ESR2: variants seen among roughly 807,000 people sequenced by gnomAD.
ESR2 encodes the protein estrogen receptor beta.
In ESR2, 36 loss-of-function variants were observed where a neutral mutation model predicts 49.6. The ratio of observed to expected loss-of-function variants is 0.73; its 90% CI spans 0.56 to 0.96. The LOEUF is 0.96. ESR2 is among the 40% of genes least tolerant of loss of function. The pLI, the probability that ESR2 is intolerant of heterozygous loss-of-function variation, is 0.00. For synonymous variants in ESR2, 320 were observed against 266.1 expected, an observed-to-expected ratio of 1.20 and a Z score of -1.97; for missense variants, 714 against 693.0, an observed-to-expected ratio of 1.03 and a Z score of -0.34.
intron 1 of ESR2, among the ~76,000 whole-genome samples, chr14:64,318,776 T>C (rs767662589): frequency 6.6e-6 from 1 of 151,550 alleles, no homozygotes; most frequent in Non-Finnish European, 1.5e-5. Flanking sequence ...GGTGTTGTGG[T>C]TCATGCCTGT....
chr14:64,239,184 G>A (rs1052772638), intron 7 of ESR2, among the ~76,000 whole-genome samples: 2 of 152,178 alleles, frequency 1.3e-5, no homozygotes, highest in African/African-American at 4.8e-5. Flanking sequence ...GAGGGCAGAT[G>A]GGACTCAAAA....
rs76529465 is a variant in ESR2 at position 64,283,792 on chromosome 14, G to GAAAAAA, written c.-90-723_-90-718dup. On this transcript the variant is annotated intron_variant, in intron 1 of 8. Coordinates refer to ENST00000341099, the MANE Select transcript of ESR2 (RefSeq NM_001437.3). Reference sequence around the variant, plus strand: ...AAAAAAGAGAGAAATTACCATTTCCGAAAAAAGTTTTTAAAAGAAAGAAAA... The same window carrying GAAAAAA: ...AAAAAAGAGAGAAATTACCATTTCCGAAAAAAAAAAAAGTTTTTAAAAGAAAGAAAA... Among the ~76,000 whole-genome samples the GAAAAAA allele has an allele frequency of 1.2e-4, 17 of 139,730 alleles. No homozygotes were observed. In the East Asian group the frequency reaches 2.1e-3, roughly 17 times the overall value. The allele number at this position is 139,730 out of a possible 152,430, so 91.7% of individuals were successfully genotyped here.
chr14:64,282,970 A>G lies in ESR2; in HGVS notation c.16T>C (p.Ser6Pro). ...GAAGGAGAATTAAGGCTAGATGGTG[A>G]GTTTTTTATATCCATGTCTTGAGAT... MDIKNSPSSLNSPSSY... is the reference protein window; with the variant it reads MDIKNPPSSLNSPSSY... Residue 6 changes from serine to proline, a missense_variant, in exon 2 of 9, where the codon TCA becomes CCA. Transcript: ENST00000341099. The G allele has an allele frequency of 1.2e-6, 2 of 1,612,474 alleles. No homozygotes were observed. Among genetic ancestry groups the G allele is most frequent in the South Asian group, 1.1e-5 (1 of 90,912 alleles).
chr14:64,228,198 C>T (rs960994475), downstream of ESR2, among the ~76,000 whole-genome samples: 1 of 152,168 alleles, frequency 6.6e-6, no homozygotes, highest in Non-Finnish European at 1.5e-5. Context: ...AAGACTAGCC[C>T]TGGTTTTCAT....
At chr14:64,234,113 A>G (rs1303782114) in intron 8 of ESR2, 1 of 152,236 alleles carries the variant, frequency 6.6e-6, no homozygotes, top group Non-Finnish European at 1.5e-5. Context: ...AATTTTAGCA[A>G]GCAGATAAAT....
chr14:64,307,573 C>T (rs1270443247), intron 1 of ESR2, among the ~76,000 whole-genome samples: 2 of 151,856 alleles, frequency 1.3e-5, no homozygotes, highest in South Asian at 2.1e-4. Context: ...CTCATTCTGT[C>T]GCCCAGGCTG....
intron 6 of ESR2, among the ~76,000 whole-genome samples, chr14:64,254,094 T>C (rs1032603505): frequency 1.3e-5 from 2 of 152,116 alleles, no homozygotes; most frequent in Non-Finnish European, 1.5e-5. Context: ...GTTTTCTTGT[T>C]GTGGACACCT....
At chr14:64,303,577 AG>A (rs1480520040) in intron 1 of ESR2, 5 of 152,150 alleles carry the variant, frequency 3.3e-5, no homozygotes, top group Non-Finnish European at 7.3e-5. Context: ...AATTCTAACA[AG>A]GATCACCTGC....
At chr14:64,258,126 C>T (rs188107890) in intron 5 of ESR2, among the ~76,000 whole-genome samples, 10 of 152,158 alleles carry the variant, frequency 6.6e-5, no homozygotes, top group Middle Eastern at 3.4e-3. Flanking sequence ...GGATGATCGC[C>T]TGAGCCCAGG....
rs144763931 is a variant in ESR2 at position 64,323,656 on chromosome 14, A to G, written c.-91+14242T>C. Among the ~76,000 whole-genome samples, 11 of 152,278 alleles carry G rather than the reference A, an allele frequency of 7.2e-5. No individual in the cohort carries two copies. In the South Asian group the frequency reaches 1.7e-3, roughly 23 times the overall value. On this transcript the variant is annotated intron_variant, in intron 1 of 8. Coordinates refer to the ESR2 transcript ENST00000358599. ...GATGATATATTTATCTTTAAACTCT[A>G]TATGGTCTACTGTTGACCTTACTTC...
chr14:64,316,671 T>C (rs1439774761), intron 1 of ESR2, among the ~76,000 whole-genome samples: 1 of 151,842 alleles, frequency 6.6e-6, no homozygotes, highest in Non-Finnish European at 1.5e-5. Flanking sequence ...TAGTCAGGCA[T>C]GGTGGCACGC....
intron 1 of ESR2, among the ~76,000 whole-genome samples, chr14:64,316,130 T>G (rs902174350): frequency 2.6e-5 from 4 of 151,706 alleles, no homozygotes; most frequent in African/African-American, 9.7e-5. Flanking sequence ...CCACCTCAGC[T>G]TCTCGAGTAG....
intron 3 of ESR2, among the ~76,000 whole-genome samples, chr14:64,277,662 G>T (rs2076583090): frequency 1.3e-5 from 2 of 149,892 alleles, no homozygotes; most frequent in East Asian, 2.0e-4. Flanking sequence ...TACATGCAAG[G>T]AATTTCTCAA....
chr14:64,309,266 G>T (rs1319040775), intron 1 of ESR2, among the ~76,000 whole-genome samples: 1 of 152,112 alleles, frequency 6.6e-6, no homozygotes, highest in Non-Finnish European at 1.5e-5. Flanking sequence ...TGTTACATAG[G>T]CCAAGCACAC....
intron 5 of ESR2, chr14:64,260,025 C>T: frequency 2.4e-6 from 1 of 420,978 alleles, no homozygotes; most frequent in South Asian, 1.7e-5. Context: ...GGTAGGTTCC[C>T]TGGGTCCATC....
At chr14:64,325,471 A>G (rs985841315) in intron 1 of ESR2, among the ~76,000 whole-genome samples, 4 of 152,204 alleles carry the variant, frequency 2.6e-5, no homozygotes, top group Admixed American at 6.5e-5. Context: ...GCACAGGAGA[A>G]AAAGGTTTAG....
chr14:64,233,351 CCCT>C (rs2098729156), intron 8 of ESR2, 28 bp from the exon 9 acceptor site: 2 of 1,594,650 alleles, frequency 1.3e-6, no homozygotes, highest in African/African-American at 1.3e-5. Context: ...TGCTGAGATT[CCCT>C]CCTCCGAGGC....
intron 4 of ESR2, among the ~76,000 whole-genome samples, chr14:64,267,416 T>C (rs2076354431): frequency 6.6e-6 from 1 of 152,126 alleles, no homozygotes; most frequent in Non-Finnish European, 1.5e-5. Flanking sequence ...CAGGATGTTC[T>C]ACAGAGGAAA....
chr14:64,332,954 GC>G (rs2077481294), intron 1 of ESR2, among the ~76,000 whole-genome samples: 1 of 145,786 alleles, frequency 6.9e-6, no homozygotes, highest in East Asian at 2.1e-4. Context: ...TCAGCTCACT[GC>G]AAGCTCTGCC....
Sources: gnomAD v4.1 joint callset for allele counts (sites outside exome capture counted in the v4.1 genomes callset) on GRCh38, gnomAD v4.1.1 for gene constraint, MANE v1.5 for transcripts, NCBI Gene and HGNC (gene_info 2026-07-23, HGNC 2026-07-21) for gene names.